The following HMGXB3 variants were observed in gnomAD, a reference collection of about 807,000 sequenced individuals.
The protein encoded by HMGXB3 is HMG domain-containing protein 3.
HMGXB3 carries 45 observed loss-of-function variants against 121.5 expected under a neutral mutation model. The ratio of observed to expected loss-of-function variants is 0.37; its 90% CI spans 0.29 to 0.47. The LOEUF (loss-of-function observed/expected upper bound fraction) is 0.47. Among genes scored for constraint, HMGXB3 ranks in the 20% least tolerant of loss-of-function variants. The probability of loss-of-function intolerance (pLI) is 0.99; values close to 1 mark genes in which losing one functional copy is unlikely to be tolerated. For synonymous variants in HMGXB3, 590 were observed against 624.1 expected, an observed-to-expected ratio of 0.95 and a Z score of 0.81; for missense variants, 1,376 against 1,602.2, an observed-to-expected ratio of 0.86 and a Z score of 2.41.
At chr5:150,032,428 A>G in intron 10 of HMGXB3, 26 bp from the exon 11 acceptor site, 1 of 1,548,002 alleles carries the variant, frequency 6.5e-7, no homozygotes, top group African/African-American at 1.4e-5. Flanking sequence ...TTTTTGTAGA[A>G]TTGAACACTG....
intron 7 of HMGXB3, 68 bp from the exon 8 acceptor site, chr5:150,026,638 A>T: frequency 7.7e-7 from 1 of 1,296,606 alleles, no homozygotes; most frequent in Non-Finnish European, 1.1e-6. Flanking sequence ...AGCACTATGT[A>T]GAGATTGCGC....
Position 150,050,243 on chromosome 5 carries a change from A to G in HMGXB3, c.3202-9A>G, listed in dbSNP as rs767525215. ...ATTAACCCTGCGCCCCCCACCCTTC[A>G]TCTCCCAGGTGGTCTGCGGCTCCAA... On this transcript the variant is annotated splice_polypyrimidine_tract_variant and intron_variant, in intron 18 of 19. Coordinates refer to ENST00000502717, the MANE Select transcript of HMGXB3 (RefSeq NM_014983.3). 3.9e-6 allele frequency: 6 copies of G among 1,551,432 alleles called. No individual in the cohort carries two copies. In the South Asian group the frequency reaches 5.9e-5, roughly 15 times the overall value.
chr5:150,025,036 C>T (rs966948607), intron 7 of HMGXB3, among the ~76,000 whole-genome samples: 1 of 152,160 alleles, frequency 6.6e-6, no homozygotes, highest in Non-Finnish European at 1.5e-5. Flanking sequence ...GAGTTCTGGC[C>T]TTATAGTCAG....
chr5:150,027,263 T>G (rs538049716), intron 9 of HMGXB3, 146 bp downstream of exon 9: 121 of 571,352 alleles, frequency 2.1e-4, no homozygotes, highest in Non-Finnish European at 3.6e-4. Context: ...TTATCTGTTT[T>G]TTAAGTAATT....
At chr5:150,041,717 C>T in intron 14 of HMGXB3, 68 bp from the exon 15 acceptor site, 1 of 1,199,214 alleles carries the variant, frequency 8.3e-7, no homozygotes, top group Non-Finnish European at 1.2e-6. Context: ...TTACTACCCA[C>T]TGGCTCATCC....
Position 150,026,741 on chromosome 5 carries a change from A to C in HMGXB3, c.1496A>C (p.Glu499Ala). The change falls in exon 8 of 20, where the codon GAG (glutamate) becomes GCG (alanine). Residue 499 changes from glutamate to alanine, a missense_variant. Glu to Ala is a moderately radical substitution (Grantham distance 107). Around this residue, in one of 2 missense-constraint regions of HMGXB3, gnomAD observed 1,116 missense variants for 1,369.0 expected, o/e 0.82. Coordinates refer to ENST00000502717, the MANE Select transcript of HMGXB3 (RefSeq NM_014983.3). ...DLLTPGSRAPELKGRARGKPS... is the reference protein window; with the variant it reads ...DLLTPGSRAPALKGRARGKPS... ...CTTACCCCTGGGTCCAGAGCTCCAG[A>C]GCTTAAAGGCAGAGCACGGGGCAAG... The C allele has an allele frequency of 6.4e-7, 1 of 1,551,424 alleles. No homozygotes were observed. Among genetic ancestry groups the C allele is most frequent in the Non-Finnish European group, 8.7e-7 (1 of 1,146,924 alleles).
intron 18 of HMGXB3, among the ~76,000 whole-genome samples, chr5:150,048,908 A>G (rs1311879496): frequency 2.6e-5 from 4 of 152,144 alleles, no homozygotes; most frequent in Non-Finnish European, 5.9e-5. Context: ...TCAGCTGTTG[A>G]GGGTATAAGG....
At chr5:150,010,899 C>T (rs371919326) in intron 4 of HMGXB3, among the ~76,000 whole-genome samples, 3 of 152,342 alleles carry the variant, frequency 2.0e-5, no homozygotes, top group East Asian at 1.9e-4. Flanking sequence ...GAATTATCCA[C>T]GAGTCAAAGC....
At chr5:150,007,417 C>T (rs1561848458) in intron 3 of HMGXB3, among the ~76,000 whole-genome samples, 2 of 152,120 alleles carry the variant, frequency 1.3e-5, no homozygotes, top group Non-Finnish European at 2.9e-5. Context: ...AGGCTGGAAC[C>T]TTTTATCCTT....
intron 5 of HMGXB3, among the ~76,000 whole-genome samples, chr5:150,013,328 A>T (rs1260836960): frequency 6.6e-6 from 1 of 152,106 alleles, no homozygotes; most frequent in African/African-American, 2.4e-5. Flanking sequence ...TTCTGTGTCT[A>T]TTGAGAGTAT....
intron 10 of HMGXB3, among the ~76,000 whole-genome samples, chr5:150,031,141 C>A (rs1256076801): frequency 6.6e-6 from 1 of 152,174 alleles, no homozygotes; most frequent in East Asian, 1.9e-4. Context: ...ATTTAGCTGT[C>A]TTGGAACCTT....
chr5:150,047,500 C>A, intron 16 of HMGXB3, 124 bp from the exon 17 acceptor site: 1 of 1,146,152 alleles, frequency 8.7e-7, no homozygotes, highest in Non-Finnish European at 1.2e-6. Context: ...AGTTCCACCT[C>A]TGCCAGCACT....
intron 6 of HMGXB3, chr5:150,021,692 A>T (rs1299115652): frequency 1.4e-5 from 7 of 515,514 alleles, no homozygotes; most frequent in East Asian, 5.1e-5. Context: ...CTATGGAAAC[A>T]TTCCTATGTC....
At chr5:150,023,065 G>T (rs1021186035) in intron 6 of HMGXB3, among the ~76,000 whole-genome samples, 1 of 149,714 alleles carries the variant, frequency 6.7e-6, no homozygotes, top group Non-Finnish European at 1.5e-5. Flanking sequence ...CTGGGCTTAG[G>T]TGAGCCTCTT....
chr5:150,024,504 G>A lies in HMGXB3; in HGVS notation c.1284G>A (p.Lys428=). Residue 428 remains lysine (K), a synonymous_variant, in exon 7 of 20, where the codon AAG becomes AAA. Transcript: ENST00000502717. ...VIISDAHVLV[K]EAPGNCGTAV... ...TCTCCGATGCCCATGTTTTGGTTAA[G>A]GAAGCTCCCGGGAATTGTGGTACAG... The A allele has an allele frequency of 6.4e-7, 1 of 1,551,718 alleles. No individual in the cohort carries two copies. The highest frequency in any genetic ancestry group is 2.4e-5 in the East Asian group (1 of 40,920).
rs1436154720 is a variant in HMGXB3, at chr5:150,004,872, G to A, written c.20G>A (p.Gly7Asp). 9.7e-6 allele frequency: 15 copies of A among 1,551,308 alleles called. No homozygotes were observed. The South Asian group carries it at 1.5e-4, about 16-fold the overall frequency. The part of the protein sequence containing the change: MDASYD[G>D]TEVTVVMEEI... ...TTAGCCATGGACGCATCATATGATG[G>A]TACTGAGGTAACTGTCGTGATGGAG... Residue 7 changes from glycine (G) to aspartate (D), a missense_variant, in exon 2 of 20, where the codon GGT (glycine) becomes GAT (aspartate). Coordinates refer to ENST00000502717, the MANE Select transcript of HMGXB3 (RefSeq NM_014983.3).
intron 11 of HMGXB3, among the ~76,000 whole-genome samples, chr5:150,035,141 A>C (rs1756472003): frequency 6.6e-6 from 1 of 152,194 alleles, no homozygotes; most frequent in African/African-American, 2.4e-5. Flanking sequence ...TAAGTGTCCT[A>C]GTCTGTTTTG....
chr5:150,028,354 T>G (rs191803849), intron 9 of HMGXB3, among the ~76,000 whole-genome samples: 218 of 150,774 alleles, frequency 1.4e-3, no homozygotes, highest in African/African-American at 4.0e-3. Context: ...ACTTTTCCAT[T>G]TAGCATAGAG....
At chr5:150,030,311 C>T (rs1756342119) in intron 9 of HMGXB3, 1 of 157,070 alleles carries the variant, frequency 6.4e-6, no homozygotes, top group Non-Finnish European at 1.4e-5. Flanking sequence ...CACATCGCTA[C>T]CAAAAAAAAA....
Sources: gnomAD v4.1 joint callset for allele counts (sites outside exome capture counted in the v4.1 genomes callset) on GRCh38, gnomAD v4.1.1 for gene constraint, gnomAD v4.1.1 regional missense constraint, MANE v1.5 for transcripts, NCBI Gene and HGNC (gene_info 2026-07-23, HGNC 2026-07-21) for gene names.